Variants in FOXP2 observed in about 807,000 individuals in gnomAD.
FOXP2 encodes forkhead box protein P2.
Under a neutral mutation model 115.8 loss-of-function variants are expected in FOXP2, and 12 were observed. The observed-to-expected ratio is 0.10, with a 90% confidence interval of 0.07 to 0.17. The LOEUF (loss-of-function observed/expected upper bound fraction) is 0.17. Ranked by LOEUF, FOXP2 falls within the 10% of genes least tolerant of loss-of-function variation. FOXP2 has a pLI of 1.00. For synonymous variants in FOXP2, 328 were observed against 297.7 expected (o/e 1.10, Z -1.05); for missense variants, 629 against 843.5 (o/e 0.75, Z 3.15).
At chr7:114,645,229 A>T in intron 8 of FOXP2, 1 of 140,390 alleles carries the variant, frequency 7.1e-6, no homozygotes, top group African/African-American at 2.6e-5. Flanking sequence ...GGCTTTATAT[A>T]TTTTTTAAAA....
At chr7:114,689,511 C>T (rs998172510) in intron 16 of FOXP2, among the ~76,000 whole-genome samples, 5 of 152,104 alleles carry the variant, frequency 3.3e-5, no homozygotes, top group African/African-American at 1.2e-4. Flanking sequence ...CAAAACATTT[C>T]ATTCAGAAAG....
chr7:114,564,422 A>G (rs1434954013), intron 3 of FOXP2, among the ~76,000 whole-genome samples: 1 of 152,152 alleles, frequency 6.6e-6, no homozygotes, highest in African/African-American at 2.4e-5. Context: ...GAGGTTTATG[A>G]ACTTTAATGG....
At chr7:114,297,432 T>C (rs956567399) in intron 2 of FOXP2, 5 of 509,302 alleles carry the variant, frequency 9.8e-6, no homozygotes, top group South Asian at 6.3e-5. Context: ...GAGCCATGGC[T>C]GCTGCTCTTC....
chr7:114,542,910 C>T (rs1389649342), intron 3 of FOXP2, among the ~76,000 whole-genome samples: 1 of 151,632 alleles, frequency 6.6e-6, no homozygotes, highest in East Asian at 1.9e-4. Flanking sequence ...CCTGCCTCAG[C>T]CTCCTGAGTA....
At chr7:114,271,768 T>C (rs1237580574) in intron 1 of FOXP2, among the ~76,000 whole-genome samples, 2 of 118,302 alleles carry the variant, frequency 1.7e-5, no homozygotes, top group Admixed American at 1.0e-4. Context: ...TATTATTTAA[T>C]ATATTATTTA....
chr7:114,392,302 A>C (rs1188320545), intron 2 of FOXP2, among the ~76,000 whole-genome samples: 1 of 152,246 alleles, frequency 6.6e-6, no homozygotes, highest in African/African-American at 2.4e-5. Context: ...AGAAGCCACA[A>C]TTGACTTGGG....
chr7:114,648,586 C>A (rs887876361), intron 8 of FOXP2, among the ~76,000 whole-genome samples: 4 of 152,068 alleles, frequency 2.6e-5, no homozygotes, highest in Non-Finnish European at 2.9e-5. Flanking sequence ...ATCTATAAAA[C>A]CTTCATTAAA....
intron 3 of FOXP2, among the ~76,000 whole-genome samples, chr7:114,594,849 A>G (rs966236883): frequency 2.6e-5 from 4 of 152,044 alleles, no homozygotes; most frequent in Non-Finnish European, 5.9e-5. Flanking sequence ...TCTTCAATGT[A>G]GGTACCTGAA....
chr7:114,534,941 T>C (rs1799308186), intron 3 of FOXP2, among the ~76,000 whole-genome samples: 1 of 151,804 alleles, frequency 6.6e-6, no homozygotes, highest in Non-Finnish European at 1.5e-5. Flanking sequence ...ATAGGAACCA[T>C]ATTTGGTGTA....
chr7:114,122,137 T>G (rs1204035634), intron 1 of FOXP2, among the ~76,000 whole-genome samples: 1 of 151,262 alleles, frequency 6.6e-6, no homozygotes, highest in Non-Finnish European at 1.5e-5. Context: ...TAAATAACTA[T>G]TTTTCTTGGC....
intron 1 of FOXP2, among the ~76,000 whole-genome samples, chr7:114,209,975 C>T (rs1383176028): frequency 6.6e-6 from 1 of 152,158 alleles, no homozygotes; most frequent in Non-Finnish European, 1.5e-5. Context: ...TTTTCAGCTC[C>T]ATCAGGTCAG....
intron 2 of FOXP2, among the ~76,000 whole-genome samples, chr7:114,341,674 C>T (rs1400401566): frequency 6.6e-6 from 1 of 151,278 alleles, no homozygotes. Flanking sequence ...CACTGGAGAA[C>T]TTCTTTATAT....
At chr7:114,436,586 T>G (rs954605458) in intron 2 of FOXP2, among the ~76,000 whole-genome samples, 4 of 151,432 alleles carry the variant, frequency 2.6e-5, no homozygotes, top group Non-Finnish European at 5.9e-5. Flanking sequence ...AGACAGCAAA[T>G]AAAATACCGA....
intron 1 of FOXP2, among the ~76,000 whole-genome samples, chr7:114,101,495 G>A (rs1790955422): frequency 6.6e-6 from 1 of 152,092 alleles, no homozygotes; most frequent in African/African-American, 2.4e-5. Context: ...TCTAGTAACA[G>A]TGTCAGAAAA....
intron 1 of FOXP2, among the ~76,000 whole-genome samples, chr7:114,287,187 A>T (rs1796487233): frequency 6.6e-6 from 1 of 151,964 alleles, no homozygotes; most frequent in African/African-American, 2.4e-5. Flanking sequence ...GCCACATTGG[A>T]AGAAGAAGAA....
chr7:114,097,514 C>T (rs934548461), intron 1 of FOXP2, among the ~76,000 whole-genome samples: 2 of 152,208 alleles, frequency 1.3e-5, no homozygotes, highest in South Asian at 2.1e-4. Context: ...GAATCTTCCT[C>T]TTATTTTTCA....
chr7:114,500,472 T>C (rs1797520418), intron 2 of FOXP2, among the ~76,000 whole-genome samples: 1 of 152,188 alleles, frequency 6.6e-6, no homozygotes, highest in African/African-American at 2.4e-5. Context: ...TATTAATATA[T>C]ACAACCCATT....
At chr7:114,521,015 G>A (rs1311618441) in intron 2 of FOXP2, among the ~76,000 whole-genome samples, 1 of 152,064 alleles carries the variant, frequency 6.6e-6, no homozygotes, top group Non-Finnish European at 1.5e-5. Flanking sequence ...TCTATCAGAA[G>A]AGGATTGTAT....
intron 2 of FOXP2, among the ~76,000 whole-genome samples, chr7:114,529,390 A>G (rs1244809032): frequency 6.6e-6 from 1 of 151,878 alleles, no homozygotes; most frequent in Admixed American, 6.6e-5. Flanking sequence ...CACACATTCA[A>G]TACCCTGATT....
Sources: gnomAD v4.1 joint callset for allele counts (sites outside exome capture counted in the v4.1 genomes callset) on GRCh38, gnomAD v4.1.1 for gene constraint, MANE v1.5 for transcripts, NCBI Gene and HGNC (gene_info 2026-07-23, HGNC 2026-07-21) for gene names.